The following POLE2 variants were observed in gnomAD, a reference collection of about 807,000 sequenced individuals.
POLE2 encodes the protein DNA polymerase epsilon 2, accessory subunit.
A neutral mutation model predicts 79.4 loss-of-function variants in POLE2; 56 were observed. That is an observed-to-expected ratio of 0.71 (90% CI 0.57 to 0.88). The LOEUF (loss-of-function observed/expected upper bound fraction) is 0.88. Ranked by LOEUF, POLE2 falls within the 40% of genes least tolerant of loss-of-function variation. The pLI is 0.00. For synonymous variants in POLE2, 212 were observed against 214.0 expected, an observed-to-expected ratio of 0.99 and a Z score of 0.08; for missense variants, 598 against 638.9, an observed-to-expected ratio of 0.94 and a Z score of 0.69.
chr14:49,650,314 T>C lies in POLE2; in HGVS notation c.1448A>G (p.Lys483Arg). 1 of 1,610,848 alleles carries C rather than the reference T, an allele frequency of 6.2e-7. No homozygotes were observed. Among genetic ancestry groups the C allele is most frequent in the Non-Finnish European group, 8.5e-7 (1 of 1,178,204 alleles). The change falls in exon 17 of 19, where the codon AAA becomes AGA. Residue 483 changes from lysine to arginine, a missense_variant. Physicochemically the swap from Lys to Arg is conservative, Grantham distance 26. Transcript: ENST00000216367. Reference protein sequence around the residue: ...PVPDLLVIADKYDPFTTTNTE... With the variant: ...PVPDLLVIADRYDPFTTTNTE... ...ATTTGTCGTAGTGAAAGGATCATAT[T>C]TGTCTGCAATGACAAGTAGATCGGG...
Position 49,679,186 on chromosome 14 carries a change from C to T in POLE2, c.245+539G>A, listed in dbSNP as rs185141241. ...CCAGTGTTTTCCTTCCAGTTAAATGCCATCAATTTGTATAGAAGTATCATA... is the reference window on the plus strand; with the variant it reads ...CCAGTGTTTTCCTTCCAGTTAAATGTCATCAATTTGTATAGAAGTATCATA... On this transcript the variant is annotated intron_variant, in intron 3 of 18. Transcript: ENST00000216367. Among the ~76,000 whole-genome samples, 28 of 150,652 alleles carry T rather than the reference C, an allele frequency of 1.9e-4. No homozygotes were observed. The East Asian group carries it at 5.0e-3, about 27-fold the overall frequency.
chr14:49,643,851 T>G (rs981683516), intron 18 of POLE2, among the ~76,000 whole-genome samples, 181 bp from the exon 19 acceptor site: 1 of 150,670 alleles, frequency 6.6e-6, no homozygotes, highest in Non-Finnish European at 1.5e-5. Flanking sequence ...CCCCCTTTTC[T>G]GCTCCCAAAA....
At chr14:49,662,059 A>C (rs151044485) in intron 10 of POLE2, among the ~76,000 whole-genome samples, 5 of 152,344 alleles carry the variant, frequency 3.3e-5, no homozygotes, top group Non-Finnish European at 7.3e-5. Flanking sequence ...TTTGCTCTAA[A>C]TATATTCCAA....
At chr14:49,648,454 A>C (rs1883948766) in intron 17 of POLE2, among the ~76,000 whole-genome samples, 1 of 152,248 alleles carries the variant, frequency 6.6e-6, no homozygotes, top group South Asian at 2.1e-4. Flanking sequence ...GAGAATGCCC[A>C]AAGTTTAAGT....
rs1885237697 is a variant in POLE2 at position 49,663,463 on chromosome 14, A to G, written c.683-76T>C. The G allele has an allele frequency of 4.1e-6, 4 of 977,858 alleles. No homozygotes were observed. In the East Asian group the frequency reaches 1.0e-4, roughly 25 times the overall value. 60.6% of individuals were successfully genotyped at this position (977,858 alleles called of 1,614,324 possible). On this transcript the variant is annotated intron_variant, in intron 9 of 18. Coordinates refer to ENST00000216367, the MANE Select transcript of POLE2 (RefSeq NM_002692.4). ...GGACAAAATTATGTTACAACAAAGC[A>G]ATAATGCCAGGCTAGTCTCATGCCC...
intron 18 of POLE2, among the ~76,000 whole-genome samples, chr14:49,644,380 C>T (rs1301008147): frequency 6.6e-6 from 1 of 151,262 alleles, no homozygotes; most frequent in African/African-American, 2.4e-5. Context: ...TATGGTGACG[C>T]ATGCCTGTAA....
rs764999612 is a variant in POLE2 at position 49,666,363 on chromosome 14, C to T, written c.543G>A (p.Ala181=). 7.1e-6 allele frequency: 11 copies of T among 1,548,824 alleles called. No homozygotes were observed. Among genetic ancestry groups the T allele is most frequent in the African/African-American group, 2.8e-5 (2 of 71,148 alleles). ...ACTGCGTTATCATTCCAAGAACAAT[C>T]GCATCTCCGATTTTGGTTGTACTAC... The part of the protein sequence containing the change: ...LLGSTTKIGD[A]IVLGMITQLK... Residue 181 remains alanine, a synonymous_variant, in exon 7 of 19, where the codon GCG becomes GCA. Transcript: ENST00000216367.
In POLE2 at chr14:49,654,121, T is replaced by C. The variant is rs373970339; in HGVS notation, c.1133+34A>G. On this transcript the variant is annotated intron_variant, in intron 14 of 18. Transcript: ENST00000216367. ...TATCTTTTTAAGTTTTACAAAATTTTCTACACTGTTGCAAAAATCTGAACA... is the reference window on the plus strand; with the variant it reads ...TATCTTTTTAAGTTTTACAAAATTTCCTACACTGTTGCAAAAATCTGAACA... The C allele has an allele frequency of 1.1e-5, 18 of 1,596,788 alleles. No individual in the cohort carries two copies. The Admixed American group carries it at 1.4e-4, about 12-fold the overall frequency.
At chr14:49,672,281 T>C (rs781435038) in intron 5 of POLE2, among the ~76,000 whole-genome samples, 2 of 152,234 alleles carry the variant, frequency 1.3e-5, no homozygotes, top group Non-Finnish European at 2.9e-5. Flanking sequence ...GAAAGACTTC[T>C]GTACAAAACC....
In POLE2 at chr14:49,650,434, T is replaced by C; in HGVS notation, c.1328A>G (p.Lys443Arg). The change falls in exon 17 of 19, where the codon AAG (lysine) becomes AGG (arginine). Residue 443 changes from lysine to arginine, a missense_variant. Physicochemically the swap from Lys to Arg is conservative, Grantham distance 26. Transcript: ENST00000216367. ...SNLAIPNHFV[K>R]TILSQGHLTP... is the part of the protein sequence containing the mutation. ...CAGATGTCCTTGGGATAAGATAGTC[T>C]TTACAAACTACAAAAGAGCACAAAA... 1 of 1,474,566 alleles carries C rather than the reference T, an allele frequency of 6.8e-7. No homozygotes were observed. The highest frequency in any genetic ancestry group is 9.1e-7 in the Non-Finnish European group (1 of 1,104,476). The allele number at this position is 1,474,566 out of a possible 1,614,324, so 91.3% of individuals were successfully genotyped here. A position where few individuals can be genotyped will look rare whatever the true frequency, so the allele number is the denominator to read the frequency against.
chr14:49,644,281 C>T (rs1039930034), intron 18 of POLE2, among the ~76,000 whole-genome samples: 5 of 150,596 alleles, frequency 3.3e-5, no homozygotes, highest in Non-Finnish European at 7.4e-5. Context: ...GAGGCAGAGG[C>T]GGGTGGATCA....
At chr14:49,647,382 G>A in intron 17 of POLE2, 22 bp from the exon 18 acceptor site, 2 of 1,278,942 alleles carry the variant, frequency 1.6e-6, no homozygotes, top group East Asian at 2.5e-5. Flanking sequence ...AAAAATGCCT[G>A]TAAGTGAATG....
chr14:49,686,383 G>C (rs1594628103), intron 1 of POLE2, among the ~76,000 whole-genome samples: 1 of 152,336 alleles, frequency 6.6e-6, no homozygotes, highest in South Asian at 2.1e-4. Context: ...GCAAGGGACT[G>C]AGGATAGCCT....
chr14:49,653,314 CAAG>C (rs1422406821), intron 15 of POLE2, among the ~76,000 whole-genome samples: 2 of 152,190 alleles, frequency 1.3e-5, no homozygotes, highest in Non-Finnish European at 2.9e-5. Context: ...AGAGGCGAAC[CAAG>C]GCTGCCTCTG....
intron 3 of POLE2, among the ~76,000 whole-genome samples, chr14:49,676,274 T>A (rs1886269620): frequency 6.6e-6 from 1 of 152,168 alleles, no homozygotes; most frequent in African/African-American, 2.4e-5. Context: ...TATCCCAACC[T>A]AAAAATCTTT....
At chr14:49,656,226 G>A (rs1213470516) in intron 10 of POLE2, among the ~76,000 whole-genome samples, 2 of 151,958 alleles carry the variant, frequency 1.3e-5, no homozygotes, top group African/African-American at 4.8e-5. Flanking sequence ...GACGTGGCGG[G>A]CGCCTGTAGT....
Position 49,674,233 on chromosome 14 carries a change from C to T in POLE2, c.324-17G>A, listed in dbSNP as rs756627040. 1.3e-6 allele frequency: 2 copies of T among 1,550,730 alleles called. No individual in the cohort carries two copies. Among genetic ancestry groups the T allele is most frequent in the East Asian group, 2.2e-5 (1 of 44,514 alleles). ...ATTAACAGACTAGAAAAAGAGAATG[C>T]CTATTTTTGACTATCATAATACACA... On this transcript the variant is annotated splice_polypyrimidine_tract_variant and intron_variant, in intron 4 of 18. Coordinates refer to ENST00000216367, the MANE Select transcript of POLE2 (RefSeq NM_002692.4).
intron 18 of POLE2, among the ~76,000 whole-genome samples, chr14:49,644,100 G>C (rs2139594665): frequency 6.7e-6 from 1 of 150,212 alleles, no homozygotes; most frequent in South Asian, 2.1e-4. Flanking sequence ...GACTGGTCTT[G>C]AACTCCTGAC....
chr14:49,661,161 T>C (rs1334999932), intron 10 of POLE2, among the ~76,000 whole-genome samples: 1 of 152,126 alleles, frequency 6.6e-6, no homozygotes, highest in East Asian at 1.9e-4. Flanking sequence ...GCTCAAGCGA[T>C]CCACCCACCT....
Sources: gnomAD v4.1 joint callset for allele counts (sites outside exome capture counted in the v4.1 genomes callset) on GRCh38, gnomAD v4.1.1 for gene constraint, MANE v1.5 for transcripts, NCBI Gene and HGNC (gene_info 2026-07-23, HGNC 2026-07-21) for gene names.